Variants in CHST11 observed in about 807,000 individuals in gnomAD.
CHST11 encodes the protein C4S-1.
In CHST11, 9 loss-of-function variants were observed where a neutral mutation model predicts 30.4. The observed-to-expected ratio is 0.30, with a 90% CI of 0.18 to 0.52. The LOEUF (loss-of-function observed/expected upper bound fraction) is 0.52. CHST11 is among the 20% of genes least tolerant of loss of function. CHST11 has a pLI of 0.97. For synonymous variants in CHST11, 152 were observed against 187.8 expected (o/e 0.81, Z 1.56); for missense variants, 348 against 460.6 (o/e 0.76, Z 2.24).
rs187402208 is a variant in CHST11, at chr12:104,572,443, G to A, written c.119-29463G>A. Among the ~76,000 whole-genome samples, 398 of 152,256 alleles carry A rather than the reference G, an allele frequency of 2.6e-3. 2 individuals carry two copies. In the Middle Eastern group the frequency reaches 0.027, roughly 10 times the overall value. On this transcript the variant is annotated intron_variant, in intron 1 of 2. Transcript: ENST00000303694. The stretch of plus-strand genomic sequence containing the variant: ...CAACTTCTTCCTGGTTTAGTCTTGG[G>A]AAGGTGTATGTGTCAAGGAATTTAT...
intron 1 of CHST11, among the ~76,000 whole-genome samples, chr12:104,530,051 T>TGGGA (rs2038166906): frequency 2.0e-5 from 3 of 152,020 alleles, no homozygotes; most frequent in Admixed American, 6.6e-5. Flanking sequence ...CCCAGCCAAT[T>TGGGA]GGGAGGCTGA....
Position 104,658,062 on chromosome 12 carries a change from A to C in CHST11, c.204+56071A>C, listed in dbSNP as rs553067767. Among the ~76,000 whole-genome samples, 4 of 152,306 alleles carry C rather than the reference A, an allele frequency of 2.6e-5. No individual in the cohort carries two copies. In the East Asian group the frequency reaches 7.7e-4, roughly 29 times the overall value. On this transcript the variant is annotated intron_variant, in intron 2 of 2. Coordinates refer to ENST00000303694, the MANE Select transcript of CHST11 (RefSeq NM_018413.6). ...AGGCCAGCCAGCCAAGGATACTCAG[A>C]GTTTTACAAGCATGCTGTGTGGACT... is the stretch of plus-strand genomic sequence containing the variant.
chr12:104,529,324 C>T (rs566203187), intron 1 of CHST11, among the ~76,000 whole-genome samples: 1 of 152,292 alleles, frequency 6.6e-6, no homozygotes, highest in African/African-American at 2.4e-5. Flanking sequence ...ATCTGGCTGC[C>T]TTTTTCCATC....
intron 1 of CHST11, chr12:104,552,100 C>G (rs1394104534): frequency 6.6e-6 from 1 of 152,178 alleles, no homozygotes; most frequent in Non-Finnish European, 1.5e-5. Context: ...GTTAGTAGAT[C>G]TGGGATGGGT....
At chr12:104,483,118 G>A (rs2037643275) in intron 1 of CHST11, among the ~76,000 whole-genome samples, 1 of 152,126 alleles carries the variant, frequency 6.6e-6, no homozygotes. Context: ...ATCTTCACAT[G>A]CTCACCCTTC....
At chr12:104,656,364 T>C (rs996730571) in intron 2 of CHST11, among the ~76,000 whole-genome samples, 4 of 152,208 alleles carry the variant, frequency 2.6e-5, no homozygotes, top group African/African-American at 9.7e-5. Flanking sequence ...TCAGGCTCCC[T>C]ACTGCTGAGG....
intron 1 of CHST11, among the ~76,000 whole-genome samples, chr12:104,530,669 C>A (rs936675472): frequency 6.6e-6 from 1 of 152,204 alleles, no homozygotes; most frequent in African/African-American, 2.4e-5. Flanking sequence ...GTATTCTTTC[C>A]ACTCACTTTT....
intron 1 of CHST11, among the ~76,000 whole-genome samples, chr12:104,569,390 C>T (rs900511097): frequency 2.6e-5 from 4 of 152,280 alleles, no homozygotes; most frequent in East Asian, 1.9e-4. Context: ...TTCAAAGGAA[C>T]GATCCTCAGG....
intron 2 of CHST11, among the ~76,000 whole-genome samples, chr12:104,751,931 A>G (rs569921563): frequency 3.9e-5 from 6 of 152,330 alleles, no homozygotes; most frequent in African/African-American, 1.4e-4. Context: ...CTCTTATATG[A>G]TGTTATCTTC....
intron 1 of CHST11, among the ~76,000 whole-genome samples, chr12:104,570,005 A>G (rs1255845495): frequency 6.6e-6 from 1 of 152,222 alleles, no homozygotes; most frequent in Non-Finnish European, 1.5e-5. Context: ...AGAAACAGTT[A>G]GTGGTCTTGA....
chr12:104,575,258 G>A (rs780763363), intron 1 of CHST11, among the ~76,000 whole-genome samples: 10 of 152,016 alleles, frequency 6.6e-5, no homozygotes, highest in African/African-American at 9.7e-5. Flanking sequence ...CCAGGGTGAC[G>A]GGGCTTTGTG....
chr12:104,697,368 G>A (rs372756979), intron 2 of CHST11, among the ~76,000 whole-genome samples: 9 of 152,306 alleles, frequency 5.9e-5, no homozygotes, highest in African/African-American at 2.2e-4. Context: ...CTCCAGTGTG[G>A]CCGGGCATCC....
intron 1 of CHST11, among the ~76,000 whole-genome samples, chr12:104,481,257 C>T (rs1211424340): frequency 2.0e-5 from 3 of 152,170 alleles, no homozygotes; most frequent in Admixed American, 2.0e-4. Context: ...GCTGGACTTG[C>T]GCCACTCTGC....
chr12:104,737,188 A>G (rs2040308395), intron 2 of CHST11, among the ~76,000 whole-genome samples: 1 of 152,262 alleles, frequency 6.6e-6, no homozygotes, highest in South Asian at 2.1e-4. Flanking sequence ...CCCTGTACCC[A>G]GAAGCCACGT....
chr12:104,673,931 G>A (rs979291021), intron 2 of CHST11, among the ~76,000 whole-genome samples: 1 of 152,190 alleles, frequency 6.6e-6, no homozygotes, highest in Non-Finnish European at 1.5e-5. Context: ...CTCCACAGAC[G>A]TTGGTGGCAT....
intron 1 of CHST11, among the ~76,000 whole-genome samples, chr12:104,529,910 C>G (rs191304084): frequency 6.6e-6 from 1 of 152,144 alleles, no homozygotes; most frequent in East Asian, 1.9e-4. Context: ...GTAATCCCAA[C>G]ACTTTGGGAG....
At chr12:104,703,831 A>G (rs1461970088) in intron 2 of CHST11, among the ~76,000 whole-genome samples, 5 of 152,204 alleles carry the variant, frequency 3.3e-5, no homozygotes, top group African/African-American at 1.2e-4. Flanking sequence ...AGGTTTCCCC[A>G]TTAGTTCCCT....
chr12:104,604,530 G>A (rs534779393), intron 2 of CHST11, among the ~76,000 whole-genome samples: 1 of 152,312 alleles, frequency 6.6e-6, no homozygotes, highest in South Asian at 2.1e-4. Flanking sequence ...GTGGGCCAGG[G>A]AGTTGAGGAG....
At chr12:104,554,917 ACTTGAGG>A (rs953488437) in intron 1 of CHST11, among the ~76,000 whole-genome samples, 1 of 152,038 alleles carries the variant, frequency 6.6e-6, no homozygotes, top group Non-Finnish European at 1.5e-5. Context: ...AAAAAGGGGG[ACTTGAGG>A]CTGTACCGGG....
Sources: gnomAD v4.1 joint callset for allele counts (sites outside exome capture counted in the v4.1 genomes callset) on GRCh38, gnomAD v4.1.1 for gene constraint, MANE v1.5 for transcripts, NCBI Gene and HGNC (gene_info 2026-07-23, HGNC 2026-07-21) for gene names.